Variants in CRACDL observed in about 807,000 individuals in gnomAD.
CRACDL encodes the protein CRACD like, also known as CRACD-like protein.
A neutral mutation model predicts 70.6 loss-of-function variants in CRACDL; 26 were observed. The ratio of observed to expected loss-of-function variants is 0.37; its 90% CI spans 0.27 to 0.51. CRACDL has a LOEUF of 0.51. CRACDL is among the 20% of genes least tolerant of loss of function. The probability of loss-of-function intolerance (pLI) is 0.94; values close to 1 mark genes in which losing one functional copy is unlikely to be tolerated. For synonymous variants in CRACDL, 618 were observed against 615.2 expected, an observed-to-expected ratio of 1.00 and a Z score of -0.07; for missense variants, 1,283 against 1,376.9, an observed-to-expected ratio of 0.93 and a Z score of 1.08.
chr2:98,813,981 G>A (rs1019822646), intron 7 of CRACDL, among the ~76,000 whole-genome samples: 5 of 152,120 alleles, frequency 3.3e-5, no homozygotes, highest in South Asian at 2.1e-4. Context: ...ATTTATGTGC[G>A]TAGAATTGTT....
At chr2:98,829,976 G>A (rs1034072097) in intron 5 of CRACDL, among the ~76,000 whole-genome samples, 4 of 152,230 alleles carry the variant, frequency 2.6e-5, no homozygotes, top group Non-Finnish European at 5.9e-5. Flanking sequence ...GAGGTGATAA[G>A]CCTGCCTGAG....
chr2:98,795,013 C>A (rs58346562), intron 9 of CRACDL, among the ~76,000 whole-genome samples: 2 of 135,426 alleles, frequency 1.5e-5, no homozygotes, highest in Middle Eastern at 4.2e-3. Flanking sequence ...ATGGTAAATT[C>A]TGTTATGTGC....
Position 98,864,696 on chromosome 2 carries a change from A to G in CRACDL, c.-10-17886T>C, listed in dbSNP as rs144096573. Reference sequence around the variant, plus strand: ...GGAGTAGCTGGGACTACAGGCAGCCACCACCATGCCTGGCTAATTTTTGCA... The same window carrying G: ...GGAGTAGCTGGGACTACAGGCAGCCGCCACCATGCCTGGCTAATTTTTGCA... On this transcript the variant is annotated intron_variant, in intron 1 of 9. Coordinates refer to ENST00000397899, the MANE Select transcript of CRACDL (RefSeq NM_207362.3). Among the ~76,000 whole-genome samples, 619 of 152,136 alleles carry G rather than the reference A, an allele frequency of 4.1e-3. 2 individuals carry two copies. The highest frequency in any genetic ancestry group is 7.0e-3 in the Non-Finnish European group (479 of 67,984).
At chr2:98,826,563 C>G (rs1219028211) in intron 6 of CRACDL, among the ~76,000 whole-genome samples, 1 of 152,164 alleles carries the variant, frequency 6.6e-6, no homozygotes, top group Non-Finnish European at 1.5e-5. Context: ...GCACCAAGGC[C>G]TGAGGCTAGA....
chr2:98,928,074 A>G (rs1275296539), intron 1 of CRACDL, among the ~76,000 whole-genome samples: 1 of 151,980 alleles, frequency 6.6e-6, no homozygotes, highest in Admixed American at 6.6e-5. Context: ...AATCCCAGCT[A>G]CTCGAGAGGC....
intron 1 of CRACDL, among the ~76,000 whole-genome samples, chr2:98,849,990 C>T (rs1706417200): frequency 6.6e-6 from 1 of 152,176 alleles, no homozygotes; most frequent in Admixed American, 6.5e-5. Context: ...ACAAGCTGAG[C>T]CCTGCTGTCG....
chr2:98,806,190 G>A (rs938375952), intron 7 of CRACDL, among the ~76,000 whole-genome samples: 4 of 152,226 alleles, frequency 2.6e-5, no homozygotes, highest in East Asian at 1.9e-4. Context: ...TCCCAAATGG[G>A]GCCCTGGGGT....
intron 1 of CRACDL, among the ~76,000 whole-genome samples, chr2:98,858,893 A>T (rs1270754420): frequency 6.6e-6 from 1 of 152,196 alleles, no homozygotes; most frequent in East Asian, 1.9e-4. Context: ...AACCTAGATG[A>T]AATAGACAAA....
chr2:98,835,387 T>C (rs1705728022), intron 3 of CRACDL, among the ~76,000 whole-genome samples: 1 of 152,042 alleles, frequency 6.6e-6, no homozygotes, highest in African/African-American at 2.4e-5. Context: ...TGATTCCAGG[T>C]CAGGGGAAGA....
chr2:98,844,803 C>G (rs932447014), intron 2 of CRACDL, among the ~76,000 whole-genome samples: 1 of 152,216 alleles, frequency 6.6e-6, no homozygotes, highest in African/African-American at 2.4e-5. Flanking sequence ...AAATAGAAGG[C>G]ACCTTCCTTT....
chr2:98,917,606 A>G (rs1708698321), intron 1 of CRACDL, among the ~76,000 whole-genome samples: 1 of 152,246 alleles, frequency 6.6e-6, no homozygotes, highest in Non-Finnish European at 1.5e-5. Context: ...ACTTTCTCAC[A>G]CTTACTGACA....
chr2:98,828,220 C>T (rs1443287294), intron 5 of CRACDL, among the ~76,000 whole-genome samples: 3 of 152,308 alleles, frequency 2.0e-5, no homozygotes, highest in East Asian at 1.9e-4. Context: ...GGATGAAACT[C>T]GGAGCGCCTG....
chr2:98,807,244 C>T (rs368483614), intron 7 of CRACDL, among the ~76,000 whole-genome samples: 1 of 152,206 alleles, frequency 6.6e-6, no homozygotes, highest in Non-Finnish European at 1.5e-5. Flanking sequence ...CATCACATAC[C>T]ATCTCTTACT....
rs576862327 is a variant in CRACDL, at chr2:98,829,069, C to T, written c.541-1900G>A. Among the ~76,000 whole-genome samples the T allele has an allele frequency of 1.2e-3, 180 of 152,360 alleles. 2 individuals are homozygous for T. The highest frequency in any genetic ancestry group is 2.1e-3 in the Non-Finnish European group (140 of 68,020). On this transcript the variant is annotated intron_variant, in intron 5 of 9. Transcript: ENST00000397899. ...ACTGCCTAGGACTCATGAGAATAGA[C>T]AAGATCAGCTGCTTTGCAAGTGCAG...
intron 1 of CRACDL, among the ~76,000 whole-genome samples, chr2:98,865,471 C>G (rs1707097770): frequency 6.6e-6 from 1 of 152,148 alleles, no homozygotes; most frequent in African/African-American, 2.4e-5. Flanking sequence ...ATTCCCCATA[C>G]TTTTAATCAA....
chr2:98,909,985 C>T (rs369896708), intron 1 of CRACDL, among the ~76,000 whole-genome samples: 7 of 152,298 alleles, frequency 4.6e-5, no homozygotes, highest in African/African-American at 1.4e-4. Flanking sequence ...CCCACCCCTC[C>T]GGATTAGTAC....
intron 1 of CRACDL, among the ~76,000 whole-genome samples, chr2:98,910,731 G>A (rs939932198): frequency 3.9e-5 from 6 of 152,152 alleles, no homozygotes; most frequent in African/African-American, 1.4e-4. Context: ...AGAGCTCAGG[G>A]TTGCAGTTCA....
At chr2:98,886,591 G>C (rs1707803237) in intron 1 of CRACDL, among the ~76,000 whole-genome samples, 1 of 152,196 alleles carries the variant, frequency 6.6e-6, no homozygotes. Context: ...GTCCCAACAT[G>C]CACACAGAGA....
At chr2:98,883,701 G>C (rs1218605461) in intron 1 of CRACDL, among the ~76,000 whole-genome samples, 1 of 152,220 alleles carries the variant, frequency 6.6e-6, no homozygotes, top group Non-Finnish European at 1.5e-5. Flanking sequence ...AGCCCGGGTA[G>C]AACAGAAGTA....
Sources: allele counts gnomAD v4.1 joint callset (sites outside exome capture counted in the v4.1 genomes callset), GRCh38; gene constraint gnomAD v4.1.1; transcripts MANE v1.5; gene names NCBI Gene and HGNC (gene_info 2026-07-23, HGNC 2026-07-21).